Variants in ZNF624 observed in about 807,000 individuals in gnomAD.
ZNF624 encodes the protein zinc finger protein 624.
ZNF624 carries 43 observed loss-of-function variants against 74.7 expected under a neutral mutation model. The ratio of observed to expected loss-of-function variants is 0.58; its 90% confidence interval spans 0.45 to 0.74. The LOEUF (loss-of-function observed/expected upper bound fraction) is 0.74, where lower values mean the gene tolerates loss of function less well. ZNF624 is among the 30% of genes least tolerant of loss of function. The probability of loss-of-function intolerance (pLI) is 0.00; values close to 1 mark genes in which losing one functional copy is unlikely to be tolerated. For missense variants in ZNF624, 820 were observed against 1,030.0 expected, an observed-to-expected ratio of 0.80 and a Z score of 2.79; for synonymous variants, 331 against 341.3, an observed-to-expected ratio of 0.97 and a Z score of 0.33.
intron 3 of ZNF624, among the ~76,000 whole-genome samples, chr17:16,637,710 A>G (rs1569045535): frequency 6.6e-6 from 1 of 152,256 alleles, no homozygotes; most frequent in Non-Finnish European, 1.5e-5. Context: ...TTATACAAAA[A>G]TTAATTCAAG....
At chr17:16,615,980 T>C (rs980318968), downstream of ZNF624, among the ~76,000 whole-genome samples, 3 of 86,034 alleles carry the variant, frequency 3.5e-5, no homozygotes, top group African/African-American at 9.8e-5. Context: ...TATATATATA[T>C]ATATATATAT....
At chr17:16,637,551 G>C (rs1308190621) in intron 3 of ZNF624, among the ~76,000 whole-genome samples, 2 of 152,094 alleles carry the variant, frequency 1.3e-5, no homozygotes, top group African/African-American at 4.8e-5. Context: ...AGAGCCCTCA[G>C]AAATAATGCC....
downstream of ZNF624, among the ~76,000 whole-genome samples, chr17:16,618,053 C>CA (rs1389542247): frequency 6.6e-6 from 1 of 152,220 alleles, no homozygotes; most frequent in East Asian, 1.9e-4. Flanking sequence ...AAAATTGTTG[C>CA]AAAAATATAA....
chr17:16,629,433 A>G (rs1323723897), intron 5 of ZNF624, among the ~76,000 whole-genome samples: 1 of 151,922 alleles, frequency 6.6e-6, no homozygotes, highest in Non-Finnish European at 1.5e-5. Flanking sequence ...CTGGCCAAAG[A>G]CAGATAGATG....
chr17:16,624,131 T>C lies in ZNF624; in HGVS notation c.755A>G (p.Lys252Arg). Residue 252 changes from lysine (K) to arginine (R), a missense_variant, in exon 6 of 6, where the codon AAA (lysine) becomes AGA (arginine). Physicochemically the swap from Lys to Arg is conservative, Grantham distance 26 (BLOSUM62 2). Transcript: ENST00000311331. Reference sequence around the variant, plus strand: ...AGTCTGCCTTATGGCTTTGCTGCCTTTCATCTCCTTGCAAATTATCTTCCC... The same window carrying C: ...AGTCTGCCTTATGGCTTTGCTGCCTCTCATCTCCTTGCAAATTATCTTCCC... ...HLGKIICKEMKGSKAIRQTSE... is the reference protein window; with the variant it reads ...HLGKIICKEMRGSKAIRQTSE... The C allele has an allele frequency of 6.2e-7, 1 of 1,614,188 alleles. No individual in the cohort carries two copies. The highest frequency in any genetic ancestry group is 8.5e-7 in the Non-Finnish European group (1 of 1,180,036).
At chr17:16,627,250 G>A (rs1437117840) in intron 5 of ZNF624, among the ~76,000 whole-genome samples, 1 of 152,088 alleles carries the variant, frequency 6.6e-6, no homozygotes, top group African/African-American at 2.4e-5. Context: ...TTAGTAATTA[G>A]AAATTTTCTT....
chr17:16,652,252 T>A (rs1283961595), intron 1 of ZNF624, among the ~76,000 whole-genome samples: 1 of 151,630 alleles, frequency 6.6e-6, no homozygotes, highest in Non-Finnish European at 1.5e-5. Context: ...GAAAACTGAC[T>A]CTCCCTCCCA....
intron 5 of ZNF624, among the ~76,000 whole-genome samples, chr17:16,629,235 T>C (rs1597492601): frequency 7.0e-6 from 1 of 143,236 alleles, no homozygotes. Flanking sequence ...TGTCTCTCTC[T>C]CTTTTTTTTT....
At chr17:16,629,767 A>G (rs1909162791) in intron 5 of ZNF624, among the ~76,000 whole-genome samples, 1 of 152,066 alleles carries the variant, frequency 6.6e-6, no homozygotes, top group East Asian at 1.9e-4. Flanking sequence ...GGGTTTCACC[A>G]TGTTGCCCAG....
In ZNF624 at chr17:16,621,218, TAA is replaced by T. The variant is rs1569039376; in HGVS notation, c.*1068_*1069del. 1 of 152,252 alleles carries T rather than the reference TAA, an allele frequency of 6.6e-6. No individual in the cohort carries two copies. Among genetic ancestry groups the T allele is most frequent in the African/African-American group, 2.4e-5 (1 of 41,470 alleles). The allele number at this position is 152,252 out of a possible 1,614,324, so 9.4% of individuals were successfully genotyped here. ...ACATTGAAATCAGCTAGCATAGATATAAGTCGTTTTTAAAATTACTCTCACAC... is the reference window on the plus strand; with the variant it reads ...ACATTGAAATCAGCTAGCATAGATATGTCGTTTTTAAAATTACTCTCACAC... On this transcript the variant is annotated 3_prime_UTR_variant, in exon 6 of 6. Coordinates refer to ENST00000311331, the MANE Select transcript of ZNF624 (RefSeq NM_020787.4).
Position 16,649,762 on chromosome 17 carries a change from A to C in ZNF624, c.-2-16T>G. ...AAAGACATACCTAAGGAAGAGAAAT[A>C]AGCCATGGAAACCAATCCTGCCTGG... On this transcript the variant is annotated splice_polypyrimidine_tract_variant and intron_variant, in intron 1 of 5. Transcript: ENST00000311331. 1 of 1,605,280 alleles carries C rather than the reference A, an allele frequency of 6.2e-7. No homozygotes were observed. The highest frequency in any genetic ancestry group is 8.5e-7 in the Non-Finnish European group (1 of 1,172,286).
Position 16,634,621 on chromosome 17 carries a change from T to C in ZNF624, c.280+9A>G. 1.2e-6 allele frequency: 2 copies of C among 1,611,526 alleles called. No homozygotes were observed. The highest frequency in any genetic ancestry group is 2.2e-5 in the East Asian group (1 of 44,850). On this transcript the variant is annotated intron_variant, in intron 4 of 5. Coordinates refer to ENST00000311331, the MANE Select transcript of ZNF624 (RefSeq NM_020787.4). ...AGATCAATCAACACAGAAGAGAAGT[T>C]ATCCTTACCCAGGGAGACCAGATTC...
chr17:16,650,631 C>A (rs1909702771), intron 1 of ZNF624, among the ~76,000 whole-genome samples: 2 of 152,030 alleles, frequency 1.3e-5, no homozygotes, highest in Admixed American at 6.6e-5. Flanking sequence ...GAGTTTGGTT[C>A]AAGAACCAGG....
intron 5 of ZNF624, among the ~76,000 whole-genome samples, chr17:16,625,790 T>C (rs952771900): frequency 2.0e-5 from 3 of 152,200 alleles, no homozygotes; most frequent in Admixed American, 2.0e-4. Flanking sequence ...TGTGGGATAC[T>C]GGTCTTACAA....
At chr17:16,648,472 G>C (rs140334687) in intron 2 of ZNF624, among the ~76,000 whole-genome samples, 1 of 152,312 alleles carries the variant, frequency 6.6e-6, no homozygotes, top group Non-Finnish European at 1.5e-5. Context: ...ATCTCTGATA[G>C]AGACGGGTTG....
In ZNF624 at chr17:16,641,637, G is replaced by A. The variant is rs558893002; in HGVS notation, c.153+5692C>T. 2.0e-5 allele frequency among the ~76,000 whole-genome samples: 3 copies of A among 152,266 alleles called. No homozygotes were observed. The East Asian group carries it at 5.8e-4, about 29-fold the overall frequency. ...ATCGTACATTTTGCAAGGGAAATTT[G>A]AAAAGGAAAAGAAATACAAGGTACC... On this transcript the variant is annotated intron_variant, in intron 3 of 5. Transcript: ENST00000311331.
intron 5 of ZNF624, among the ~76,000 whole-genome samples, chr17:16,629,043 C>G (rs1909141615): frequency 6.6e-6 from 1 of 151,474 alleles, no homozygotes; most frequent in African/African-American, 2.4e-5. Flanking sequence ...ACTAAAAATA[C>G]AAAAATTAGC....
chr17:16,640,457 A>T (rs1022689326), intron 3 of ZNF624, among the ~76,000 whole-genome samples: 3 of 152,098 alleles, frequency 2.0e-5, no homozygotes, highest in Admixed American at 6.5e-5. Context: ...CAGAGGAAAT[A>T]AAAAAGGGCA....
chr17:16,639,761 A>G (rs989452703), intron 3 of ZNF624, among the ~76,000 whole-genome samples: 1 of 152,222 alleles, frequency 6.6e-6, no homozygotes, highest in Non-Finnish European at 1.5e-5. Flanking sequence ...AGATTGGTCC[A>G]GGAAAGTTTC....
Sources: gnomAD v4.1 joint callset for allele counts (sites outside exome capture counted in the v4.1 genomes callset) on GRCh38, gnomAD v4.1.1 for gene constraint, MANE v1.5 for transcripts, NCBI Gene and HGNC (gene_info 2026-07-23, HGNC 2026-07-21) for gene names.